Variants in BNC2 observed in about 807,000 individuals in gnomAD.
The protein encoded by BNC2 is basonuclin zinc finger protein 2, also known as zinc finger protein basonuclin-2.
Under a neutral mutation model 76.3 loss-of-function variants are expected in BNC2, and 20 were observed. The ratio of observed to expected loss-of-function variants is 0.26; its 90% confidence interval spans 0.18 to 0.38. BNC2 has a LOEUF of 0.38. Among genes scored for constraint, BNC2 ranks in the 10% least tolerant of loss-of-function variants. The pLI, the probability that BNC2 is intolerant of heterozygous loss-of-function variation, is 1.00. For synonymous variants in BNC2, 582 were observed against 514.8 expected, an observed-to-expected ratio of 1.13 and a Z score of -1.77; for missense variants, 1,382 against 1,399.8, an observed-to-expected ratio of 0.99 and a Z score of 0.20.
intron 1 of BNC2, among the ~76,000 whole-genome samples, chr9:16,768,116 C>T (rs1040376255): frequency 6.6e-6 from 1 of 152,026 alleles, no homozygotes; most frequent in African/African-American, 2.4e-5. Flanking sequence ...TAGGCACCCA[C>T]CACCACGCCT....
chr9:16,830,509 T>C (rs1231359964), intron 1 of BNC2, among the ~76,000 whole-genome samples: 1 of 152,218 alleles, frequency 6.6e-6, no homozygotes, highest in African/African-American at 2.4e-5. Flanking sequence ...AAATATTCTA[T>C]ACTGAAACAT....
intron 3 of BNC2, among the ~76,000 whole-genome samples, chr9:16,680,469 A>T (rs1822791689): frequency 6.6e-6 from 1 of 152,044 alleles, no homozygotes; most frequent in South Asian, 2.1e-4. Flanking sequence ...TAAACACACT[A>T]ATACTTTTAC....
At chr9:16,492,337 T>A (rs961588689) in intron 5 of BNC2, among the ~76,000 whole-genome samples, 2 of 152,226 alleles carry the variant, frequency 1.3e-5, no homozygotes, top group Non-Finnish European at 2.9e-5. Flanking sequence ...AAGTCAGAAC[T>A]TTAATGAGCA....
intron 5 of BNC2, among the ~76,000 whole-genome samples, chr9:16,547,534 T>C (rs771515553): frequency 9.2e-5 from 14 of 152,178 alleles, no homozygotes; most frequent in Non-Finnish European, 1.6e-4. Flanking sequence ...ATTTTAACAG[T>C]TGACTTAATT....
intron 4 of BNC2, among the ~76,000 whole-genome samples, chr9:16,565,528 C>G (rs1301047340): frequency 6.6e-6 from 1 of 152,114 alleles, no homozygotes. Context: ...AAAAATTACA[C>G]TGCAGGGCAC....
At chr9:16,845,816 T>C (rs568458013) in intron 1 of BNC2, among the ~76,000 whole-genome samples, 1 of 152,128 alleles carries the variant, frequency 6.6e-6, no homozygotes, top group South Asian at 2.1e-4. Flanking sequence ...TCTGCATACT[T>C]AAGTTACCAT....
At chr9:16,773,882 T>C (rs761916538) in intron 1 of BNC2, among the ~76,000 whole-genome samples, 1 of 152,218 alleles carries the variant, frequency 6.6e-6, no homozygotes, top group Non-Finnish European at 1.5e-5. Context: ...TGCCAACAAG[T>C]TGCAGATGGT....
intron 6 of BNC2, chr9:16,429,586 T>G (rs1820866628): frequency 5.5e-6 from 1 of 183,214 alleles, no homozygotes; most frequent in Admixed American, 5.6e-5. Flanking sequence ...GCCTGAATTT[T>G]CAAGATAATG....
intron 5 of BNC2, among the ~76,000 whole-genome samples, chr9:16,459,586 G>A (rs1821529861): frequency 6.9e-6 from 1 of 145,634 alleles, no homozygotes; most frequent in South Asian, 2.3e-4. Flanking sequence ...AGCAATACAC[G>A]GCAGGAGAAT....
chr9:16,663,130 CTTTTTT>C (rs71325979), intron 3 of BNC2, among the ~76,000 whole-genome samples: 1 of 99,618 alleles, frequency 1.0e-5, no homozygotes, highest in Admixed American at 1.1e-4. Context: ...TCTGTTTACT[CTTTTTT>C]TTTTTTTTTT....
intron 3 of BNC2, among the ~76,000 whole-genome samples, chr9:16,684,997 G>C (rs1822933671): frequency 6.6e-6 from 1 of 152,052 alleles, no homozygotes; most frequent in South Asian, 2.1e-4. Context: ...ATTAAGTCCT[G>C]CTTTTCTTAT....
chr9:16,776,786 G>A (rs1825979086), intron 1 of BNC2, among the ~76,000 whole-genome samples: 2 of 152,136 alleles, frequency 1.3e-5, no homozygotes, highest in Admixed American at 6.6e-5. Flanking sequence ...TTAATAATAA[G>A]GGTCAATTGA....
chr9:16,701,874 G>A (rs1219609843), intron 3 of BNC2, among the ~76,000 whole-genome samples: 6 of 149,844 alleles, frequency 4.0e-5, no homozygotes, highest in African/African-American at 7.4e-5. Flanking sequence ...CCCGGGAGGC[G>A]GAGGCTGCAG....
At chr9:16,845,476 A>T (rs759053636) in intron 1 of BNC2, among the ~76,000 whole-genome samples, 56 of 150,128 alleles carry the variant, frequency 3.7e-4, no homozygotes, top group Non-Finnish European at 5.6e-4. Context: ...AATCCCAGCA[A>T]TTTGGGAGGC....
intron 3 of BNC2, among the ~76,000 whole-genome samples, chr9:16,666,005 A>AT (rs1822278879): frequency 6.6e-6 from 1 of 152,034 alleles, no homozygotes; most frequent in African/African-American, 2.4e-5. Context: ...AATTATCCCC[A>AT]TTTTTTTCCT....
chr9:16,412,233 G>C lies in BNC2; in HGVS notation c.*6756C>G, dbSNP rs1820476124. The stretch of plus-strand genomic sequence containing the variant: ...CTTTTTTAGATTGTCAGTCCAGTTT[G>C]ACAAAAGTTAATCTATCATGTTACA... On this transcript the variant is annotated 3_prime_UTR_variant, in exon 7 of 7. Coordinates refer to ENST00000380672, the MANE Select transcript of BNC2 (RefSeq NM_017637.6). The C allele has an allele frequency of 6.6e-6, 1 of 152,560 alleles. No homozygotes were observed. Among genetic ancestry groups the C allele is most frequent in the African/African-American group, 2.4e-5 (1 of 41,428 alleles). 9.5% of individuals were successfully genotyped at this position (152,560 alleles called of 1,614,324 possible).
chr9:16,567,609 C>CT (rs1302033929), intron 4 of BNC2, among the ~76,000 whole-genome samples: 1 of 152,046 alleles, frequency 6.6e-6, no homozygotes, highest in Non-Finnish European at 1.5e-5. Flanking sequence ...TATTCAGATA[C>CT]TTTTTTTTCT....
intron 5 of BNC2, among the ~76,000 whole-genome samples, chr9:16,541,218 G>T (rs372883462): frequency 3.9e-5 from 6 of 152,274 alleles, no homozygotes; most frequent in African/African-American, 1.4e-4. Context: ...AGTCACCAGA[G>T]AATCAATGGA....
At chr9:16,610,853 G>A (rs1261079030) in intron 3 of BNC2, among the ~76,000 whole-genome samples, 1 of 152,128 alleles carries the variant, frequency 6.6e-6, no homozygotes, top group African/African-American at 2.4e-5. Flanking sequence ...ACTTAAAAGA[G>A]TTTTTTAATT....
Sources: gnomAD v4.1 joint callset for allele counts (sites outside exome capture counted in the v4.1 genomes callset) on GRCh38, gnomAD v4.1.1 for gene constraint, MANE v1.5 for transcripts, NCBI Gene and HGNC (gene_info 2026-07-23, HGNC 2026-07-21) for gene names.